Variants in ATP11C observed in about 807,000 individuals in gnomAD.
ATP11C encodes phospholipid-transporting ATPase IG.
In ATP11C, 36 loss-of-function variants were observed where a neutral mutation model predicts 97.4. The observed-to-expected ratio is 0.37, with a 90% CI of 0.28 to 0.49. The LOEUF (loss-of-function observed/expected upper bound fraction) is 0.49, where lower values mean the gene tolerates loss of function less well. Ranked by LOEUF, ATP11C falls within the 20% of genes least tolerant of loss-of-function variation. ATP11C has a pLI of 0.98. For synonymous variants in ATP11C, 275 were observed against 290.9 expected, an observed-to-expected ratio of 0.95 and a Z score of 0.56; for missense variants, 730 against 824.6, an observed-to-expected ratio of 0.89 and a Z score of 1.40.
At chrX:139,908,391 T>C (rs1043881864) in intron 1 of ATP11C, among the ~76,000 whole-genome samples, 3 of 112,618 alleles carry the variant, frequency 2.7e-5, no homozygotes, top group Admixed American at 9.5e-5. Flanking sequence ...ATTCATTTTA[T>C]TCATAACACT....
chrX:139,893,333 T>C (rs2081934517), intron 1 of ATP11C, among the ~76,000 whole-genome samples: 1 of 112,034 alleles, frequency 8.9e-6, no homozygotes, highest in African/African-American at 3.2e-5. Flanking sequence ...GTGCTGGGAT[T>C]ACAGGCATAA....
In ATP11C at chrX:139,727,373, A is replaced by C. The variant is rs927869284; in HGVS notation, c.*1593T>G. The C allele has an allele frequency of 8.9e-6, 1 of 112,037 alleles. No individual in the cohort carries two copies. The highest frequency in any genetic ancestry group is 3.2e-5 in the African/African-American group (1 of 30,813). 9.2% of individuals were successfully genotyped at this position (112,037 alleles called of 1,213,427 possible). On this transcript the variant is annotated 3_prime_UTR_variant, in exon 30 of 30. Transcript: ENST00000682941. ...CGGGCTACCAGAACACAGCACACTT[A>C]GGTAAGTTGTGAATGACATGTAACA...
chrX:139,819,493 C>A, intron 2 of ATP11C, 66 bp from the exon 3 acceptor site: 1 of 432,969 alleles, frequency 2.3e-6, no homozygotes, highest in Admixed American at 4.3e-5. Context: ...ATAGTAATGA[C>A]TGATTATGGG....
intron 1 of ATP11C, among the ~76,000 whole-genome samples, chrX:139,871,400 G>A (rs1442900437): frequency 9.2e-6 from 1 of 108,625 alleles, no homozygotes; most frequent in Admixed American, 1.0e-4. Context: ...GTAGAGATGG[G>A]GTTTCACTAT....
At chrX:139,858,935 C>G (rs1452997608) in intron 1 of ATP11C, among the ~76,000 whole-genome samples, 2 of 112,452 alleles carry the variant, frequency 1.8e-5, no homozygotes, top group Non-Finnish European at 3.8e-5. Flanking sequence ...ACACTTTCAT[C>G]ACCCCCAAAA....
Position 139,832,403 on chromosome X carries a change from G to A in ATP11C, c.28-5580C>T, listed in dbSNP as rs1603394681. 6.4e-6 allele frequency: 5 copies of A among 781,288 alleles called. 1 individual carries two copies. In the South Asian group the frequency reaches 2.0e-4, roughly 31 times the overall value. The allele number at this position is 781,288 out of a possible 1,213,427, so 64.4% of individuals were successfully genotyped here. ...GTCTATTCCTTAAGAGCTCAAAGCA[G>A]TACTCTGGCGGCCTTAGCCCCATTA... On this transcript the variant is annotated intron_variant, in intron 1 of 29. Transcript: ENST00000682941.
At chrX:139,903,850 A>G (rs1476029393) in intron 1 of ATP11C, among the ~76,000 whole-genome samples, 2 of 110,776 alleles carry the variant, frequency 1.8e-5, no homozygotes, top group East Asian at 5.8e-4. Context: ...TAGGGCAAAG[A>G]CAACCTTCAC....
At chrX:139,752,802 T>C (rs1006813830) in intron 23 of ATP11C, among the ~76,000 whole-genome samples, 17 of 112,111 alleles carry the variant, frequency 1.5e-4, no homozygotes, top group African/African-American at 5.5e-4. Context: ...CGAAACTCTC[T>C]AATACTATTA....
chrX:139,795,618 G>A (rs535615714), intron 12 of ATP11C, among the ~76,000 whole-genome samples: 5 of 111,786 alleles, frequency 4.5e-5, no homozygotes, highest in East Asian at 2.8e-4. Flanking sequence ...AAACTTTCTC[G>A]ATACTATTAA....
Position 139,796,481 on chromosome X carries a change from A to C in ATP11C, c.1009-11T>G, listed in dbSNP as rs1254814791. On this transcript the variant is annotated splice_polypyrimidine_tract_variant and intron_variant, in intron 11 of 29. Transcript: ENST00000682941. ...GAACATTTTTAAAACCTAAAATAAA[A>C]GAGATAGTTCATGCTAATTAGACAT... is the stretch of plus-strand genomic sequence containing the variant. 1 of 1,084,634 alleles carries C rather than the reference A, an allele frequency of 9.2e-7. No homozygotes were observed. Among genetic ancestry groups the C allele is most frequent in the Admixed American group, 2.3e-5 (1 of 44,072 alleles). 89.4% of individuals were successfully genotyped at this position (1,084,634 alleles called of 1,213,427 possible).
rs200565213 is a variant in ATP11C, at chrX:139,750,096, G to A, written c.2757C>T (p.Pro919=). The change falls in exon 24 of 30, where the codon CCC becomes CCT. Residue 919 remains proline, a synonymous_variant. Transcript: ENST00000682941. ...TMYNICFTSL[P]ILAYSLLEQH... The stretch of plus-strand genomic sequence containing the variant: ...GTTCCAGTAGACTATAGGCCAGGAT[G>A]GGCAAGGATGTGAAGCAGATATTGT... 7.2e-5 allele frequency: 87 copies of A among 1,201,776 alleles called. No homozygotes were observed. Among genetic ancestry groups the A allele is most frequent in the Non-Finnish European group, 9.8e-5 (87 of 888,921 alleles).
In ATP11C at chrX:139,932,753, C is replaced by A; in HGVS notation, c.-711G>T. On this transcript the variant is annotated 5_prime_UTR_variant, in exon 1 of 30. Transcript: ENST00000682941. Reference sequence around the variant, plus strand: ...GGCCAGGGAGCCTGGGTACAGCCAACCGGCCCGCCCTGAGCCAGCCGACGG... The same window carrying A: ...GGCCAGGGAGCCTGGGTACAGCCAAACGGCCCGCCCTGAGCCAGCCGACGG... 1 of 113,532 alleles carries A rather than the reference C, an allele frequency of 8.8e-6. No homozygotes were observed. Among genetic ancestry groups the A allele is most frequent in the Non-Finnish European group, 1.9e-5 (1 of 53,369 alleles). 9.4% of individuals were successfully genotyped at this position (113,532 alleles called of 1,213,427 possible). A position where few individuals can be genotyped will look rare whatever the true frequency, so the allele number is the denominator to read the frequency against.
At chrX:139,858,459 C>G (rs1301818626) in intron 1 of ATP11C, among the ~76,000 whole-genome samples, 2 of 111,699 alleles carry the variant, frequency 1.8e-5, no homozygotes, top group Non-Finnish European at 3.8e-5. Flanking sequence ...TACATGTTCT[C>G]CCTGGGTTTC....
chrX:139,920,238 T>A (rs1455068473), intron 1 of ATP11C, among the ~76,000 whole-genome samples: 1 of 108,009 alleles, frequency 9.3e-6, no homozygotes, highest in Admixed American at 1.0e-4. Context: ...GTGCCTGTAG[T>A]CCAAGCTACT....
intron 22 of ATP11C, among the ~76,000 whole-genome samples, chrX:139,759,596 A>G (rs2081999820): frequency 9.0e-6 from 1 of 111,728 alleles, no homozygotes; most frequent in Non-Finnish European, 1.9e-5. Context: ...AAGACCTGTC[A>G]CTGAAGTACT....
At chrX:139,795,677 T>C (rs1167196873) in intron 12 of ATP11C, among the ~76,000 whole-genome samples, 1 of 112,005 alleles carries the variant, frequency 8.9e-6, no homozygotes, top group Non-Finnish European at 1.9e-5. Context: ...CCAGACTGTG[T>C]TGCACTGGAA....
At chrX:139,861,238 G>C (rs1483781527) in intron 1 of ATP11C, among the ~76,000 whole-genome samples, 1 of 111,844 alleles carries the variant, frequency 8.9e-6, no homozygotes, top group Non-Finnish European at 1.9e-5. Context: ...AGTTTCAAAG[G>C]AAATGGAAAG....
chrX:139,740,562 T>C (rs933888709), intron 27 of ATP11C, among the ~76,000 whole-genome samples: 2 of 112,095 alleles, frequency 1.8e-5, no homozygotes, highest in Non-Finnish European at 3.8e-5. Context: ...AGCACACCTG[T>C]AGTAACATGA....
intron 1 of ATP11C, among the ~76,000 whole-genome samples, chrX:139,927,368 G>A (rs910832266): frequency 5.4e-5 from 6 of 111,916 alleles, no homozygotes; most frequent in African/African-American, 6.5e-5. Context: ...TTGGGAGGCC[G>A]AGGTAGGGAA....
Sources: allele counts gnomAD v4.1 joint callset (sites outside exome capture counted in the v4.1 genomes callset), GRCh38; gene constraint gnomAD v4.1.1; transcripts MANE v1.5; gene names NCBI Gene and HGNC (gene_info 2026-07-23, HGNC 2026-07-21).